L3MBTL4: variants seen among roughly 807,000 people sequenced by gnomAD.
L3MBTL4 encodes L3MBTL histone methyl-lysine binding protein 4.
In L3MBTL4, 70 loss-of-function variants were observed where a neutral mutation model predicts 84.5. The observed-to-expected ratio is 0.83, with a 90% CI of 0.68 to 1.01. L3MBTL4 has a LOEUF of 1.01. Ranked by LOEUF, L3MBTL4 falls within the 50% of genes least tolerant of loss-of-function variation. L3MBTL4 has a pLI of 0.00. For missense variants in L3MBTL4, 715 were observed against 754.8 expected (o/e 0.95, Z 0.62); for synonymous variants, 274 against 259.8 (o/e 1.05, Z -0.52).
intron 14 of L3MBTL4, among the ~76,000 whole-genome samples, chr18:6,105,107 T>C (rs1191047223): frequency 1.3e-5 from 2 of 152,096 alleles, no homozygotes; most frequent in Non-Finnish European, 2.9e-5. Flanking sequence ...CAATATTACT[T>C]TTTCTGCCAT....
intron 12 of L3MBTL4, among the ~76,000 whole-genome samples, chr18:6,174,313 A>C (rs140297638): frequency 5.9e-5 from 9 of 152,330 alleles, no homozygotes; most frequent in Non-Finnish European, 1.2e-4. Flanking sequence ...AATTAGCAGA[A>C]AAGGATTGCA....
At chr18:6,279,684 C>T (rs1357609368) in intron 4 of L3MBTL4, among the ~76,000 whole-genome samples, 3 of 152,122 alleles carry the variant, frequency 2.0e-5, no homozygotes. Context: ...ATCACTGAGA[C>T]TCCATAAAAT....
In L3MBTL4 at chr18:5,957,693, TG is replaced by T. The variant is rs376021012; in HGVS notation, c.1678-1307del. 5.6e-3 allele frequency among the ~76,000 whole-genome samples: 847 copies of T among 152,114 alleles called. 12 individuals are homozygous for T. Among genetic ancestry groups the T allele is most frequent in the African/African-American group, 0.019 (808 of 41,510 alleles). On this transcript the variant is annotated intron_variant, in intron 18 of 18. Transcript: ENST00000317931. ...AACCCCAGCCAGTCATGGTGGCTCA[TG>T]TCTGTAATCCCAGCACTTTGGGAGG... is the stretch of plus-strand genomic sequence containing the variant.
At chr18:6,183,272 C>G (rs921949768) in intron 12 of L3MBTL4, among the ~76,000 whole-genome samples, 1 of 152,174 alleles carries the variant, frequency 6.6e-6, no homozygotes, top group African/African-American at 2.4e-5. Flanking sequence ...CCTTCATAAC[C>G]AGTGTAAAGA....
At chr18:6,057,865 T>A (rs888034487) in intron 16 of L3MBTL4, among the ~76,000 whole-genome samples, 2 of 152,230 alleles carry the variant, frequency 1.3e-5, no homozygotes, top group Admixed American at 6.5e-5. Flanking sequence ...ACTTAACATA[T>A]ATCAGGTATA....
intron 4 of L3MBTL4, among the ~76,000 whole-genome samples, chr18:6,284,616 G>A (rs1220328133): frequency 6.6e-6 from 1 of 152,244 alleles, no homozygotes; most frequent in Non-Finnish European, 1.5e-5. Flanking sequence ...GCCCCCGGTC[G>A]CTTTTCTTCC....
At chr18:5,988,091 T>A (rs893636876) in intron 16 of L3MBTL4, among the ~76,000 whole-genome samples, 7 of 152,364 alleles carry the variant, frequency 4.6e-5, no homozygotes, top group Non-Finnish European at 8.8e-5. Context: ...AGATCCCTAA[T>A]CAGAAAGAGC....
chr18:5,996,137 T>C (rs1050179511), intron 16 of L3MBTL4, among the ~76,000 whole-genome samples: 84 of 152,344 alleles, frequency 5.5e-4, no homozygotes, highest in African/African-American at 1.9e-3. Flanking sequence ...TTACAAAATA[T>C]AGTAATTCTC....
chr18:6,092,080 A>G (rs1445984272), intron 15 of L3MBTL4, among the ~76,000 whole-genome samples: 1 of 152,202 alleles, frequency 6.6e-6, no homozygotes, highest in Non-Finnish European at 1.5e-5. Flanking sequence ...GCAAATAATA[A>G]AAATGCAAGA....
chr18:6,367,103 A>T (rs1301726369), intron 1 of L3MBTL4, among the ~76,000 whole-genome samples: 4 of 152,270 alleles, frequency 2.6e-5, no homozygotes, highest in African/African-American at 9.6e-5. Flanking sequence ...CCGACAGTCT[A>T]ACCCTGGAGC....
chr18:5,981,718 T>A (rs1031332710), intron 16 of L3MBTL4, among the ~76,000 whole-genome samples: 3 of 151,822 alleles, frequency 2.0e-5, no homozygotes, highest in African/African-American at 7.3e-5. Context: ...CGAAGACACT[T>A]GAGTCCAGGA....
rs192714212 is a variant in L3MBTL4 at position 6,363,795 on chromosome 18, G to A, written c.-91+51006C>T. Among the ~76,000 whole-genome samples the A allele has an allele frequency of 2.3e-3, 345 of 152,242 alleles. 4 individuals carry two copies. Among genetic ancestry groups the A allele is most frequent in the African/African-American group, 7.8e-3 (326 of 41,554 alleles). The stretch of plus-strand genomic sequence containing the variant: ...CCCATGCCCACTTAACCACTATGCT[G>A]CTCCGAATCACACTGCAAAAACAGA... On this transcript the variant is annotated intron_variant, in intron 1 of 18. Coordinates refer to ENST00000317931, the MANE Select transcript of L3MBTL4 (RefSeq NM_001330559.2).
intron 4 of L3MBTL4, among the ~76,000 whole-genome samples, chr18:6,268,894 A>T (rs147959343): frequency 1.6e-4 from 25 of 152,230 alleles, no homozygotes; most frequent in African/African-American, 5.8e-4. Flanking sequence ...TACAATATTG[A>T]ATATTAGATT....
chr18:6,327,275 A>G lies in L3MBTL4; in HGVS notation c.-90-15219T>C, dbSNP rs868762474. On this transcript the variant is annotated intron_variant, in intron 1 of 18. Coordinates refer to ENST00000317931, the MANE Select transcript of L3MBTL4 (RefSeq NM_001330559.2). ...ATGCCTAGAACCTGGCTGTTTCTAG[A>G]TAGATAGAAAACCTCTAGCACATGT... Among the ~76,000 whole-genome samples, 4 of 152,300 alleles carry G rather than the reference A, an allele frequency of 2.6e-5. No individual in the cohort carries two copies. In the Middle Eastern group the frequency reaches 0.014, roughly 518 times the overall value.
intron 4 of L3MBTL4, among the ~76,000 whole-genome samples, chr18:6,297,331 T>C (rs1054766368): frequency 2.6e-5 from 4 of 152,168 alleles, no homozygotes; most frequent in Non-Finnish European, 4.4e-5. Context: ...TTCTGGGCTG[T>C]CTTGGGACAG....
At chr18:6,292,931 C>T (rs889811892) in intron 4 of L3MBTL4, among the ~76,000 whole-genome samples, 1 of 152,114 alleles carries the variant, frequency 6.6e-6, no homozygotes, top group African/African-American at 2.4e-5. Flanking sequence ...CTTGCCAGTT[C>T]CCCAAAACTT....
At chr18:5,960,027 TATATATATATACAC>T in intron 18 of L3MBTL4, 53 bp downstream of exon 18, 3 of 300,826 alleles carry the variant, frequency 1.0e-5, no homozygotes, top group Non-Finnish European at 1.7e-5. Context: ...TATATATACA[TATATATATATACAC>T]ACACATATAT....
intron 1 of L3MBTL4, among the ~76,000 whole-genome samples, chr18:6,334,455 T>A (rs6506379): frequency 0.17 from 25,630 of 151,994 alleles, 2,541 homozygotes; most frequent in African/African-American, 0.27. Flanking sequence ...AAAGTTTTTT[T>A]AAAAAAAGTC....
intron 1 of L3MBTL4, among the ~76,000 whole-genome samples, chr18:6,413,072 G>A (rs1455234051): frequency 6.6e-6 from 1 of 152,114 alleles, no homozygotes; most frequent in African/African-American, 2.4e-5. Flanking sequence ...GTGACAGAGT[G>A]AGACCCTATC....
Sources: gnomAD v4.1 joint callset for allele counts (sites outside exome capture counted in the v4.1 genomes callset) on GRCh38, gnomAD v4.1.1 for gene constraint, MANE v1.5 for transcripts, NCBI Gene and HGNC (gene_info 2026-07-23, HGNC 2026-07-21) for gene names.